Variants in ZDHHC21 observed in about 807,000 individuals in gnomAD.
The protein encoded by ZDHHC21 is zDHHC palmitoyltransferase 21, also known as palmitoyltransferase ZDHHC21.
Under a neutral mutation model 34.6 loss-of-function variants are expected in ZDHHC21, and 15 were observed. That is an observed-to-expected ratio of 0.43 (90% CI 0.29 to 0.67). ZDHHC21 has a LOEUF of 0.67. Among genes scored for constraint, ZDHHC21 ranks in the 30% least tolerant of loss-of-function variants. The pLI, the probability that ZDHHC21 is intolerant of heterozygous loss-of-function variation, is 0.14. For synonymous variants in ZDHHC21, 142 were observed against 101.8 expected (o/e 1.40, Z -2.38); for missense variants, 344 against 327.7 (o/e 1.05, Z -0.38).
intron 8 of ZDHHC21, among the ~76,000 whole-genome samples, chr9:14,621,866 T>A (rs965338667): frequency 6.6e-6 from 1 of 152,076 alleles, no homozygotes; most frequent in African/African-American, 2.4e-5. Flanking sequence ...AAGTTAAATA[T>A]ACTTTTGGAA....
chr9:14,601,450 C>T, the ZDHHC21 span, among the ~76,000 whole-genome samples: 1 of 152,108 alleles, frequency 6.6e-6, no homozygotes, highest in African/African-American at 2.4e-5. Flanking sequence ...AATGAGATAC[C>T]ATCTCATGCC....
intron 8 of ZDHHC21, chr9:14,622,443 A>C: frequency 9.2e-6 from 7 of 764,914 alleles, no homozygotes; most frequent in Non-Finnish European, 9.5e-6. Flanking sequence ...AAAAGGAGAA[A>C]GAGATATCTC....
chr9:14,636,416 G>C (rs1239335013), intron 8 of ZDHHC21, among the ~76,000 whole-genome samples: 1 of 152,054 alleles, frequency 6.6e-6, no homozygotes. Context: ...TATAAACCAA[G>C]TATTAGATTT....
chr9:14,672,724 G>C lies in ZDHHC21; in HGVS notation c.253+106C>G, dbSNP rs1325396895. ...CACATACAAGCAAAGACATCAAAGT[G>C]GTGTTAGATGACATTTATAACCAAT... is the stretch of plus-strand genomic sequence containing the variant. On this transcript the variant is annotated intron_variant, in intron 5 of 9. Transcript: ENST00000380916. 4 of 697,030 alleles carry C rather than the reference G, an allele frequency of 5.7e-6. No homozygotes were observed. The African/African-American group carries it at 7.2e-5, about 13-fold the overall frequency. The allele number at this position is 697,030 out of a possible 1,614,324, so 43.2% of individuals were successfully genotyped here. A position where few individuals can be genotyped will look rare whatever the true frequency, so the allele number is the denominator to read the frequency against.
chr9:14,665,802 C>A (rs771261758), intron 5 of ZDHHC21, among the ~76,000 whole-genome samples: 5,115 of 146,338 alleles, frequency 0.035, 156 homozygotes, highest in South Asian at 0.087. Flanking sequence ...AAATGCTGAC[C>A]AATTTTGTCA....
At chr9:14,623,608 A>G (rs1364040892) in intron 8 of ZDHHC21, among the ~76,000 whole-genome samples, 2 of 151,274 alleles carry the variant, frequency 1.3e-5, no homozygotes, top group Non-Finnish European at 2.9e-5. Flanking sequence ...CAAGGGGTTA[A>G]TACCCAGAAT....
intron 7 of ZDHHC21, among the ~76,000 whole-genome samples, chr9:14,654,302 G>A (rs1587167175): frequency 6.6e-6 from 1 of 151,900 alleles, no homozygotes; most frequent in Admixed American, 6.6e-5. Context: ...TCCAAAAACT[G>A]CTATATTAAG....
intron 7 of ZDHHC21, among the ~76,000 whole-genome samples, chr9:14,648,238 A>C (rs1009808602): frequency 6.6e-6 from 1 of 152,100 alleles, no homozygotes; most frequent in Non-Finnish European, 1.5e-5. Context: ...TAATCATTTC[A>C]TATTTGGACG....
chr9:14,672,561 C>T (rs948838064), intron 5 of ZDHHC21, among the ~76,000 whole-genome samples: 2 of 151,970 alleles, frequency 1.3e-5, no homozygotes, highest in Admixed American at 6.6e-5. Flanking sequence ...CTCCTGACCA[C>T]CCAGCCTACC....
intron 7 of ZDHHC21, among the ~76,000 whole-genome samples, chr9:14,657,638 T>C (rs1463253464): frequency 6.6e-6 from 1 of 152,172 alleles, no homozygotes; most frequent in African/African-American, 2.4e-5. Flanking sequence ...AGAAAGTAGC[T>C]GTTTTCCAGT....
chr9:14,631,581 G>T (rs991908379), intron 8 of ZDHHC21, among the ~76,000 whole-genome samples: 1 of 151,986 alleles, frequency 6.6e-6, no homozygotes, highest in African/African-American at 2.4e-5. Flanking sequence ...TCTAGTTTTC[G>T]GCCTGTCTCA....
At chr9:14,650,672 G>C (rs984464329) in intron 7 of ZDHHC21, among the ~76,000 whole-genome samples, 2 of 151,658 alleles carry the variant, frequency 1.3e-5, no homozygotes, top group South Asian at 4.2e-4. Flanking sequence ...TCTTTTTTTT[G>C]TTAGCCAAAA....
At chr9:14,646,791 T>A (rs1388521803) in intron 7 of ZDHHC21, among the ~76,000 whole-genome samples, 2 of 152,182 alleles carry the variant, frequency 1.3e-5, no homozygotes, top group Non-Finnish European at 2.9e-5. Context: ...TATTCCCTAT[T>A]TCCTTGCTGT....
the ZDHHC21 span, among the ~76,000 whole-genome samples, chr9:14,603,605 G>T: frequency 6.6e-6 from 1 of 152,092 alleles, no homozygotes; most frequent in Non-Finnish European, 1.5e-5. Context: ...ACCAAAGCTC[G>T]TTAATCTACC....
chr9:14,603,613 A>G, the ZDHHC21 span, among the ~76,000 whole-genome samples: 119 of 152,308 alleles, frequency 7.8e-4, no homozygotes, highest in African/African-American at 2.6e-3. Flanking sequence ...TCGTTAATCT[A>G]CCCTCATGTG....
intron 7 of ZDHHC21, among the ~76,000 whole-genome samples, chr9:14,658,461 T>TTCC: frequency 8.7e-6 from 1 of 115,452 alleles, no homozygotes; most frequent in Non-Finnish European, 1.8e-5. Flanking sequence ...GATATAAACA[T>TTCC]TTCTTTTTTT....
intron 8 of ZDHHC21, among the ~76,000 whole-genome samples, chr9:14,621,513 C>T (rs187889151): frequency 6.6e-6 from 1 of 152,062 alleles, no homozygotes; most frequent in Non-Finnish European, 1.5e-5. Flanking sequence ...ATTAAATCAT[C>T]ATAAGCATGG....
At chr9:14,640,311 A>AG (rs1564260254) in intron 7 of ZDHHC21, among the ~76,000 whole-genome samples, 3 of 148,392 alleles carry the variant, frequency 2.0e-5, no homozygotes, top group Non-Finnish European at 4.5e-5. Flanking sequence ...TTTTGGGGAA[A>AG]AAAAAAAAAA....
chr9:14,686,374 G>A (rs1838324803), intron 2 of ZDHHC21, among the ~76,000 whole-genome samples: 1 of 152,096 alleles, frequency 6.6e-6, no homozygotes, highest in Admixed American at 6.6e-5. Context: ...GGTGAAGGGT[G>A]GAACCATTCT....
Sources: gnomAD v4.1 joint callset for allele counts (sites outside exome capture counted in the v4.1 genomes callset) on GRCh38, gnomAD v4.1.1 for gene constraint, MANE v1.5 for transcripts, NCBI Gene and HGNC (gene_info 2026-07-23, HGNC 2026-07-21) for gene names.